COL4A1: variants seen among roughly 807,000 people sequenced by gnomAD.
The protein encoded by COL4A1 is collagen alpha-1(IV) chain.
COL4A1 carries 40 observed loss-of-function variants against 216.6 expected under a neutral mutation model. The observed-to-expected ratio is 0.18, with a 90% CI of 0.14 to 0.24. COL4A1 has a LOEUF of 0.24. Ranked by LOEUF, COL4A1 falls within the 10% of genes least tolerant of loss-of-function variation. The probability of loss-of-function intolerance (pLI) is 1.00; values close to 1 mark genes in which losing one functional copy is unlikely to be tolerated. For synonymous variants in COL4A1, 839 were observed against 810.7 expected (o/e 1.03, Z -0.59); for missense variants, 1,628 against 2,196.8 (o/e 0.74, Z 5.18).
At chr13:110,170,975 C>T (rs1224310398) in intron 41 of COL4A1, among the ~76,000 whole-genome samples, 1 of 152,218 alleles carries the variant, frequency 6.6e-6, no homozygotes, top group Non-Finnish European at 1.5e-5. Context: ...ACCCAGCTAT[C>T]GTTTTCATAC....
In COL4A1 at chr13:110,150,433, G is replaced by A. The variant is rs201767532; in HGVS notation, c.4940C>T (p.Pro1647Leu). ...CAGCTCCCCTGCCTTCAAGGTGGAC[G>A]GCGTAGGCTTCCTAAAACACGACAC... ...ERSEMFKKPT[P>L]STLKAGELRT... Residue 1647 changes from proline to leucine, a missense_variant, in exon 52 of 52, where the codon CCG becomes CTG. By Grantham distance (98) the Pro-to-Leu change is moderately conservative (BLOSUM62 -3). Transcript: ENST00000375820. 13 of 1,614,002 alleles carry A rather than the reference G, an allele frequency of 8.1e-6. No individual in the cohort carries two copies. The highest frequency in any genetic ancestry group is 6.7e-5 in the East Asian group (3 of 44,872).
chr13:110,186,409 C>T lies in COL4A1; in HGVS notation c.1873G>A (p.Gly625Ser). 1.2e-6 allele frequency: 2 copies of T among 1,613,482 alleles called. No homozygotes were observed. Among genetic ancestry groups the T allele is most frequent in the South Asian group, 2.2e-5 (2 of 91,072 alleles). Residue 625 changes from glycine (G) to serine (S), a missense_variant, in exon 26 of 52, where the codon GGC becomes AGC. Gly to Ser is a moderately conservative substitution (Grantham distance 56, BLOSUM62 0). This residue lies in a region of COL4A1 where 701 missense variants were observed against 892.5 expected (regional missense o/e 0.79). Coordinates refer to ENST00000375820, the MANE Select transcript of COL4A1 (RefSeq NM_001845.6). ...CCTGGCAGGCCTGGGGATCCAGGGC[C>T]TCCAGGAAAGCCTGCTTGTCCTTTG... ...GDKGQAGFPG[G>S]PGSPGLPGPK...
At chr13:110,255,902 G>A (rs566485952) in intron 1 of COL4A1, among the ~76,000 whole-genome samples, 5 of 85,182 alleles carry the variant, frequency 5.9e-5, no homozygotes, top group Non-Finnish European at 1.2e-4. Flanking sequence ...GGCAGGAAGG[G>A]AGGGGGAAGG....
In COL4A1 at chr13:110,211,810, G is replaced by A; in HGVS notation, c.441+59C>T. On this transcript the variant is annotated intron_variant, in intron 7 of 51. Transcript: ENST00000375820. The surrounding 1 kb of genome is among the most constrained non-coding windows in gnomAD (Gnocchi z 4.3). ...AGAAAGAAAGAAAAGGAAATGGAAT[G>A]AAAAGAGAGAAGTCATAACTAAAAG... is the stretch of plus-strand genomic sequence containing the variant. The A allele has an allele frequency of 6.3e-7, 1 of 1,578,062 alleles. No individual in the cohort carries two copies.
rs73613430 is a variant in COL4A1 at position 110,239,695 on chromosome 13, G to A, written c.144+2980C>T. On this transcript the variant is annotated intron_variant, in intron 2 of 51. Transcript: ENST00000375820. ...AGGTCGGCATTTCTAGGGCTGGGACGCTCTGAATATGCAGAAGGTGGCAGG... is the reference window on the plus strand; with the variant it reads ...AGGTCGGCATTTCTAGGGCTGGGACACTCTGAATATGCAGAAGGTGGCAGG... 6.1e-3 allele frequency among the ~76,000 whole-genome samples: 922 copies of A among 152,248 alleles called. 14 individuals carry two copies. Among genetic ancestry groups the A allele is most frequent in the African/African-American group, 0.021 (875 of 41,534 alleles).
intron 19 of COL4A1, among the ~76,000 whole-genome samples, chr13:110,201,143 C>A (rs1460149110): frequency 6.6e-6 from 1 of 151,764 alleles, no homozygotes; most frequent in African/African-American, 2.4e-5. Flanking sequence ...CACAGACAGT[C>A]CTGCAAGGCC....
intron 1 of COL4A1, among the ~76,000 whole-genome samples, chr13:110,305,034 G>T (rs1025091069): frequency 6.6e-6 from 1 of 152,210 alleles, no homozygotes; most frequent in Non-Finnish European, 1.5e-5. Flanking sequence ...GTTATTGATG[G>T]CATGAAAAGT....
At chr13:110,175,017 T>A (rs1483917953) in intron 37 of COL4A1, among the ~76,000 whole-genome samples, 1 of 152,150 alleles carries the variant, frequency 6.6e-6, no homozygotes, top group Non-Finnish European at 1.5e-5. Context: ...TCTCCCACCT[T>A]AGCCTCTCAC....
At chr13:110,231,299 G>C (rs967339394) in intron 2 of COL4A1, among the ~76,000 whole-genome samples, 4 of 152,200 alleles carry the variant, frequency 2.6e-5, no homozygotes, top group African/African-American at 9.7e-5. Context: ...AGTGAGAAGG[G>C]GGAGGTGAGG....
intron 42 of COL4A1, among the ~76,000 whole-genome samples, chr13:110,170,113 AGAAGGAAGGAAGGAAGGAAGGAAG>A (rs58546192): frequency 0.12 from 15,254 of 123,398 alleles, 1,053 homozygotes; most frequent in Admixed American, 0.24. Flanking sequence ...AAGGGAGGAA[AGAAGGAAGGAAGGAAGGAAGGAAG>A]GAAGGAAGGA....
At chr13:110,229,047 C>T (rs1880885063) in intron 2 of COL4A1, among the ~76,000 whole-genome samples, 1 of 152,156 alleles carries the variant, frequency 6.6e-6, no homozygotes, top group African/African-American at 2.4e-5. Flanking sequence ...TGTGAAGAGA[C>T]AGGGAGGATG....
At chr13:110,160,624 G>T (rs1165675908) in intron 49 of COL4A1, among the ~76,000 whole-genome samples, 1 of 152,212 alleles carries the variant, frequency 6.6e-6, no homozygotes, top group African/African-American at 2.4e-5. Flanking sequence ...AACCACCACA[G>T]TGAGTCAGGC....
chr13:110,187,002 T>C (rs1878432382), intron 25 of COL4A1, 136 bp downstream of exon 25: 4 of 1,191,848 alleles, frequency 3.4e-6, no homozygotes, highest in Non-Finnish European at 4.9e-6. Flanking sequence ...CCATGAACCA[T>C]GAATCATGAA....
At chr13:110,191,565 A>C (rs1023447610) in intron 24 of COL4A1, 1 of 620,712 alleles carries the variant, frequency 1.6e-6, no homozygotes, top group African/African-American at 1.9e-5. Context: ...CAAACTACAA[A>C]AGCTAAGAAG....
intron 1 of COL4A1, among the ~76,000 whole-genome samples, chr13:110,247,790 CGTGT>C (rs56086913): frequency 0.24 from 13,923 of 57,616 alleles, 1,368 homozygotes; most frequent in Non-Finnish European, 0.29. Context: ...CTATGCTACT[CGTGT>C]GTGTGTGTGT....
At chr13:110,262,047 T>C in intron 1 of COL4A1, among the ~76,000 whole-genome samples, 1 of 152,180 alleles carries the variant, frequency 6.6e-6, no homozygotes, top group East Asian at 1.9e-4. Flanking sequence ...CATGCTTCCA[T>C]CTGAGGGTTT....
intron 1 of COL4A1, among the ~76,000 whole-genome samples, chr13:110,288,628 C>T (rs753177764): frequency 2.6e-5 from 4 of 152,156 alleles, no homozygotes; most frequent in African/African-American, 7.2e-5. Flanking sequence ...CTGATTAACC[C>T]TGACAATTTG....
chr13:110,275,479 C>T (rs1299706501), intron 1 of COL4A1, among the ~76,000 whole-genome samples: 1 of 152,164 alleles, frequency 6.6e-6, no homozygotes. Context: ...TGCAGCCACT[C>T]GGGAAGGCAG....
chr13:110,183,319 G>T, intron 26 of COL4A1, 43 bp from the exon 27 acceptor site: 1 of 1,575,200 alleles, frequency 6.3e-7, no homozygotes, highest in South Asian at 1.1e-5. Context: ...AAGGAATGAG[G>T]ACCACACGGA....
Sources: gnomAD v4.1 joint callset for allele counts (sites outside exome capture counted in the v4.1 genomes callset) on GRCh38, gnomAD v4.1.1 for gene constraint, gnomAD v4.1.1 regional missense constraint, Gnocchi (gnomAD v3.1) non-coding constraint, MANE v1.5 for transcripts, NCBI Gene and HGNC (gene_info 2026-07-23, HGNC 2026-07-21) for gene names.